TRDN: variants seen among roughly 807,000 people sequenced by gnomAD.
TRDN encodes the protein triadin in skeletal muscle.
A neutral mutation model predicts 149.7 loss-of-function variants in TRDN; 161 were observed. That is an observed-to-expected ratio of 1.08 (90% CI 0.95 to 1.23). The LOEUF is 1.23. Among genes scored for constraint, TRDN ranks in the 50% most tolerant of loss-of-function variants. TRDN has a pLI of 0.00. For synonymous variants in TRDN, 294 were observed against 250.5 expected (o/e 1.17, Z -1.64); for missense variants, 896 against 823.5 (o/e 1.09, Z -1.08).
intron 1 of TRDN, among the ~76,000 whole-genome samples, chr6:123,616,170 G>A (rs549659990): frequency 6.6e-6 from 1 of 152,186 alleles, no homozygotes; most frequent in South Asian, 2.1e-4. Context: ...TGGCAACACA[G>A]TAAGATCCTG....
intron 1 of TRDN, among the ~76,000 whole-genome samples, chr6:123,629,601 G>C (rs866044497): frequency 2.3e-4 from 35 of 152,140 alleles, no homozygotes; most frequent in African/African-American, 8.2e-4. Context: ...CCTAGCTTCT[G>C]GCACAGATAA....
At chr6:123,535,117 T>C (rs971448425) in intron 4 of TRDN, among the ~76,000 whole-genome samples, 1 of 152,188 alleles carries the variant, frequency 6.6e-6, no homozygotes, top group Non-Finnish European at 1.5e-5. Context: ...CCATAAATTC[T>C]TAAAGGTATG....
intron 38 of TRDN, among the ~76,000 whole-genome samples, chr6:123,237,898 G>C (rs1775848412): frequency 6.6e-6 from 1 of 152,064 alleles, no homozygotes; most frequent in Non-Finnish European, 1.5e-5. Context: ...AGAGAGAAAA[G>C]ATATATTACA....
At position 123,560,853 on chromosome 6, in the gene TRDN, G is replaced by A. The variant is rs550530189; in HGVS notation, c.232+10070C>T. ...CATGTAGGTTACAAGCCACTAGTCCGCCTTTTAGAACCTCTCATTTCCTTT... is the reference window on the plus strand; with the variant it reads ...CATGTAGGTTACAAGCCACTAGTCCACCTTTTAGAACCTCTCATTTCCTTT... On this transcript the variant is annotated intron_variant, in intron 2 of 40. Transcript: ENST00000334268. Among the ~76,000 whole-genome samples the A allele has an allele frequency of 6.6e-5, 10 of 152,172 alleles. No homozygotes were observed. In the South Asian group the frequency reaches 1.0e-3, roughly 16 times the overall value.
intron 12 of TRDN, 85 bp from the exon 13 acceptor site, chr6:123,393,762 C>A: frequency 7.9e-7 from 1 of 1,271,532 alleles, no homozygotes; most frequent in South Asian, 1.4e-5. Flanking sequence ...AGCACAAACA[C>A]AAACGAGCAT....
At chr6:123,575,138 C>A (rs1265362352) in intron 1 of TRDN, among the ~76,000 whole-genome samples, 1 of 151,454 alleles carries the variant, frequency 6.6e-6, no homozygotes, top group African/African-American at 2.4e-5. Flanking sequence ...CTCAAAATTT[C>A]CACTTAAGAA....
intron 40 of TRDN, 121 bp from the exon 41 acceptor site, chr6:123,218,861 G>A: frequency 1.9e-6 from 2 of 1,041,852 alleles, no homozygotes; most frequent in East Asian, 2.7e-5. Context: ...GTAGCTGTTG[G>A]CAAGTTACTA....
Position 123,218,747 on chromosome 6 carries a change from A to T in TRDN, c.2051-7T>A. On this transcript the variant is annotated splice_polypyrimidine_tract_variant and splice_region_variant and intron_variant, in intron 40 of 40. Coordinates refer to ENST00000334268, the MANE Select transcript of TRDN (RefSeq NM_006073.4). ...TGGAAGAAACTGATGGGACCTAAGG[A>T]ACAGAGCATGACAGTTTGTTAAAAC... 1 of 1,560,626 alleles carries T rather than the reference A, an allele frequency of 6.4e-7. No homozygotes were observed. The highest frequency in any genetic ancestry group is 8.7e-7 in the Non-Finnish European group (1 of 1,150,472).
At position 123,636,761 on chromosome 6, in the gene TRDN, A is replaced by G. The variant is rs1304612363; in HGVS notation, c.15T>C (p.Thr5=). The G allele has an allele frequency of 2.5e-6, 4 of 1,611,634 alleles. No individual in the cohort carries two copies. The change falls in exon 1 of 41, where the codon ACT becomes ACC. Residue 5 remains threonine, a synonymous_variant. Coordinates refer to ENST00000334268, the MANE Select transcript of TRDN (RefSeq NM_006073.4). MTEI[T]AEGNASTTTT... The stretch of plus-strand genomic sequence containing the variant: ...GGAAAATGGTAGCAATACCTTCAGC[A>G]GTGATCTCAGTCATGGTGGTCGTCA...
At chr6:123,392,999 T>C (rs1772563133) in intron 13 of TRDN, among the ~76,000 whole-genome samples, 1 of 152,046 alleles carries the variant, frequency 6.6e-6, no homozygotes, top group African/African-American at 2.4e-5. Flanking sequence ...TCTAAGTGTG[T>C]TCCATAAAGT....
At chr6:123,516,000 C>T (rs764530162) in intron 6 of TRDN, 141 bp downstream of exon 6, 19 of 980,638 alleles carry the variant, frequency 1.9e-5, no homozygotes, top group Admixed American at 4.6e-5. Context: ...CCAGAAATTC[C>T]TTTTTTCAGA....
At chr6:123,238,593 G>A (rs900803919) in intron 38 of TRDN, among the ~76,000 whole-genome samples, 39 of 152,108 alleles carry the variant, frequency 2.6e-4, no homozygotes, top group African/African-American at 9.4e-4. Flanking sequence ...CCAGACCTAA[G>A]ATATTAATAA....
chr6:123,300,799 G>T (rs916757691), intron 24 of TRDN, among the ~76,000 whole-genome samples: 2 of 151,880 alleles, frequency 1.3e-5, no homozygotes, highest in Non-Finnish European at 2.9e-5. Flanking sequence ...GTACTTACTA[G>T]TATAATATAT....
intron 9 of TRDN, among the ~76,000 whole-genome samples, chr6:123,483,190 C>T (rs1307817116): frequency 6.6e-6 from 1 of 151,234 alleles, no homozygotes; most frequent in Non-Finnish European, 1.5e-5. Context: ...ACAAGCTCCG[C>T]CTCCCAGGTT....
chr6:123,334,052 C>T (rs900021560), intron 22 of TRDN, among the ~76,000 whole-genome samples: 5 of 151,972 alleles, frequency 3.3e-5, no homozygotes, highest in South Asian at 2.1e-4. Context: ...AAGGCAGTAA[C>T]GAGGAACTGG....
chr6:123,388,692 A>C (rs1309932062), intron 13 of TRDN, 141 bp from the exon 14 acceptor site: 1 of 846,328 alleles, frequency 1.2e-6, no homozygotes, highest in Non-Finnish European at 1.8e-6. Context: ...CTATGATAGG[A>C]GTGTAAGCAG....
At position 123,583,235 on chromosome 6, in the gene TRDN, G is replaced by A. The variant is rs375702947; in HGVS notation, c.23-12103C>T. ...AAACCGGCAGTGTAAACAATAGCAG[G>A]GCATGTATGAGTAGTTGAGAACGGT... is the stretch of plus-strand genomic sequence containing the variant. On this transcript the variant is annotated intron_variant, in intron 1 of 40. Coordinates refer to ENST00000334268, the MANE Select transcript of TRDN (RefSeq NM_006073.4). 5.1e-4 allele frequency among the ~76,000 whole-genome samples: 77 copies of A among 152,162 alleles called. 1 individual carries two copies. In the East Asian group the frequency reaches 0.012, roughly 24 times the overall value.
chr6:123,435,337 A>C (rs1212002833), intron 12 of TRDN, among the ~76,000 whole-genome samples: 1 of 152,032 alleles, frequency 6.6e-6, no homozygotes, highest in African/African-American at 2.4e-5. Flanking sequence ...GGTTATTCTC[A>C]ATTTCTCTCA....
chr6:123,554,772 A>G (rs1254562192), intron 2 of TRDN, among the ~76,000 whole-genome samples: 1 of 152,184 alleles, frequency 6.6e-6, no homozygotes, highest in Non-Finnish European at 1.5e-5. Flanking sequence ...TAAAATCTGA[A>G]GTGGTGGGTC....
Sources: allele counts gnomAD v4.1 joint callset (sites outside exome capture counted in the v4.1 genomes callset), GRCh38; gene constraint gnomAD v4.1.1; transcripts MANE v1.5; gene names NCBI Gene and HGNC (gene_info 2026-07-23, HGNC 2026-07-21).